The following EPHB1 variants were observed in gnomAD, a reference collection of about 807,000 sequenced individuals.
EPHB1 encodes the protein ephrin type-B receptor 1.
A neutral mutation model predicts 94.4 loss-of-function variants in EPHB1; 30 were observed. The ratio of observed to expected loss-of-function variants is 0.32; its 90% confidence interval spans 0.24 to 0.43. The LOEUF (loss-of-function observed/expected upper bound fraction) is 0.43, where lower values mean the gene tolerates loss of function less well. Ranked by LOEUF, EPHB1 falls within the 20% of genes least tolerant of loss-of-function variation. The pLI, the probability that EPHB1 is intolerant of heterozygous loss-of-function variation, is 1.00. For missense variants in EPHB1, 1,055 were observed against 1,308.3 expected (o/e 0.81, Z 2.99); for synonymous variants, 522 against 489.1 (o/e 1.07, Z -0.89).
At position 134,932,299 on chromosome 3, in the gene EPHB1, G is replaced by T. The variant is rs138295773; in HGVS notation, c.123+6419G>T. On this transcript the variant is annotated intron_variant, in intron 2 of 15. Coordinates refer to ENST00000398015, the MANE Select transcript of EPHB1 (RefSeq NM_004441.5). ...CTGCTGCTTGGTTGTTTATGTGTGCGCTGTCTAGGCCACTTGGCAGCCCCT... is the reference window on the plus strand; with the variant it reads ...CTGCTGCTTGGTTGTTTATGTGTGCTCTGTCTAGGCCACTTGGCAGCCCCT... 1.9e-3 allele frequency among the ~76,000 whole-genome samples: 286 copies of T among 152,226 alleles called. 1 individual carries two copies. Among genetic ancestry groups the T allele is most frequent in the African/African-American group, 6.6e-3 (273 of 41,528 alleles).
rs566320279 is a variant in EPHB1 at position 134,997,195 on chromosome 3, G to C, written c.805+45143G>C. Among the ~76,000 whole-genome samples the C allele has an allele frequency of 2.3e-4, 35 of 152,310 alleles. 1 individual carries two copies. In the South Asian group the frequency reaches 6.4e-3, roughly 28 times the overall value. ...GGAAATTGATCCTTCACCACTGATT[G>C]AAAAGGTCTCCTTTGTTATTGTCTA... On this transcript the variant is annotated intron_variant, in intron 3 of 15. Transcript: ENST00000398015.
At chr3:135,133,440 G>A (rs1048074796) in intron 5 of EPHB1, among the ~76,000 whole-genome samples, 12 of 152,224 alleles carry the variant, frequency 7.9e-5, no homozygotes, top group African/African-American at 2.9e-4. Flanking sequence ...CAGAGGGCTA[G>A]GTAGGTGGAC....
At chr3:135,142,632 A>C (rs2107690793) in intron 5 of EPHB1, among the ~76,000 whole-genome samples, 1 of 152,288 alleles carries the variant, frequency 6.6e-6, no homozygotes, top group Middle Eastern at 3.4e-3. Flanking sequence ...TGTGGTGAGG[A>C]AGCAGAATAT....
In EPHB1 at chr3:135,073,740, A is replaced by G. The variant is rs114163992; in HGVS notation, c.806-32708A>G. On this transcript the variant is annotated intron_variant, in intron 3 of 15. Coordinates refer to ENST00000398015, the MANE Select transcript of EPHB1 (RefSeq NM_004441.5). ...TGCAGTGGGTTTATTATCTCTTTTT[A>G]GTCTCTTTTAATCTATAGTTTTCCC... 6.7e-3 allele frequency among the ~76,000 whole-genome samples: 1,014 copies of G among 151,894 alleles called. 13 individuals carry two copies. Among genetic ancestry groups the G allele is most frequent in the African/African-American group, 0.023 (943 of 41,420 alleles).
intron 12 of EPHB1, among the ~76,000 whole-genome samples, chr3:135,203,463 G>C (rs1317350751): frequency 6.6e-6 from 1 of 152,122 alleles, no homozygotes; most frequent in African/African-American, 2.4e-5. Flanking sequence ...GGCAGGGATT[G>C]GTAAACTTTT....
chr3:135,220,107 C>T (rs949529216), intron 12 of EPHB1, among the ~76,000 whole-genome samples: 3 of 152,140 alleles, frequency 2.0e-5, no homozygotes, highest in African/African-American at 7.2e-5. Flanking sequence ...TATGGGAATG[C>T]TGAATTCAAC....
chr3:134,853,640 A>G (rs567735593), intron 1 of EPHB1, among the ~76,000 whole-genome samples: 1 of 152,328 alleles, frequency 6.6e-6, no homozygotes, highest in Non-Finnish European at 1.5e-5. Context: ...TGGAGCTCGG[A>G]GGAGAGGTCT....
At chr3:135,243,074 C>CAAA (rs397933477) in intron 13 of EPHB1, among the ~76,000 whole-genome samples, 31 of 98,334 alleles carry the variant, frequency 3.2e-4, no homozygotes, top group Non-Finnish European at 4.3e-4. Context: ...GACCCTGTCT[C>CAAA]AAAAAAAAAA....
chr3:135,076,347 A>G (rs930696500), intron 3 of EPHB1, among the ~76,000 whole-genome samples: 1 of 151,868 alleles, frequency 6.6e-6, no homozygotes, highest in Non-Finnish European at 1.5e-5. Context: ...AAGAAGATAC[A>G]CAAATGATTT....
chr3:135,076,576 C>G (rs1318694243), intron 3 of EPHB1, among the ~76,000 whole-genome samples: 2 of 152,152 alleles, frequency 1.3e-5, no homozygotes, highest in African/African-American at 4.8e-5. Flanking sequence ...TATGACCCAG[C>G]AATTCCACTC....
chr3:134,992,194 T>C (rs1221905949), intron 3 of EPHB1, among the ~76,000 whole-genome samples: 2 of 152,170 alleles, frequency 1.3e-5, no homozygotes, highest in African/African-American at 4.8e-5. Flanking sequence ...CTGTGATTTA[T>C]GGTGCTGGGA....
At chr3:134,862,502 A>G (rs2037287988) in intron 1 of EPHB1, among the ~76,000 whole-genome samples, 1 of 145,964 alleles carries the variant, frequency 6.9e-6, no homozygotes, top group Admixed American at 6.8e-5. Flanking sequence ...GTAAGCTCAA[A>G]AAAAAAAAAA....
intron 1 of EPHB1, among the ~76,000 whole-genome samples, chr3:134,882,979 T>A (rs1283818918): frequency 6.6e-6 from 1 of 151,894 alleles, no homozygotes; most frequent in Non-Finnish European, 1.5e-5. Flanking sequence ...CGTGCCACCA[T>A]GTCTGGCTAA....
intron 1 of EPHB1, among the ~76,000 whole-genome samples, chr3:134,871,767 C>T (rs2037504219): frequency 6.6e-6 from 1 of 152,146 alleles, no homozygotes; most frequent in African/African-American, 2.4e-5. Context: ...GCTGGGATTT[C>T]CAAGAGTCTC....
intron 1 of EPHB1, among the ~76,000 whole-genome samples, chr3:134,901,675 C>T (rs2038207434): frequency 1.3e-5 from 2 of 152,150 alleles, no homozygotes; most frequent in South Asian, 2.1e-4. Flanking sequence ...GGAATGGTGG[C>T]GTTCAAGGCA....
chr3:135,204,338 G>A (rs1489041312), intron 12 of EPHB1, among the ~76,000 whole-genome samples: 1 of 152,004 alleles, frequency 6.6e-6, no homozygotes. Flanking sequence ...CAAGTAGCTG[G>A]GATTACAGGC....
intron 3 of EPHB1, among the ~76,000 whole-genome samples, chr3:134,985,638 G>T (rs1049585404): frequency 4.6e-5 from 7 of 152,082 alleles, no homozygotes; most frequent in Admixed American, 3.9e-4. Flanking sequence ...GATCATAATA[G>T]AACCTATTTC....
At chr3:134,896,328 TC>T (rs1437763772) in intron 1 of EPHB1, among the ~76,000 whole-genome samples, 1 of 152,198 alleles carries the variant, frequency 6.6e-6, no homozygotes, top group Non-Finnish European at 1.5e-5. Context: ...TTGGCTGCCC[TC>T]TTCCATAATC....
intron 3 of EPHB1, among the ~76,000 whole-genome samples, chr3:134,965,839 C>G (rs1368505216): frequency 1.3e-5 from 2 of 152,108 alleles, no homozygotes; most frequent in African/African-American, 4.8e-5. Context: ...GCACAAATCA[C>G]ACTGACTTGG....
Sources: allele counts gnomAD v4.1 joint callset (sites outside exome capture counted in the v4.1 genomes callset), GRCh38; gene constraint gnomAD v4.1.1; transcripts MANE v1.5; gene names NCBI Gene and HGNC (gene_info 2026-07-23, HGNC 2026-07-21).